ZNF516: variants seen among roughly 807,000 people sequenced by gnomAD.
The protein encoded by ZNF516 is zinc finger protein 516.
Under a neutral mutation model 79.7 loss-of-function variants are expected in ZNF516, and 19 were observed. That is an observed-to-expected ratio of 0.24 (90% CI 0.17 to 0.35). The LOEUF is 0.35. ZNF516 is among the 10% of genes least tolerant of loss of function. ZNF516 has a pLI of 1.00. For missense variants in ZNF516, 1,678 were observed against 1,679.5 expected (o/e 1.00, Z 0.02); for synonymous variants, 877 against 739.5 (o/e 1.19, Z -3.02).
chr18:76,483,282 T>C (rs1208551992), intron 1 of ZNF516, among the ~76,000 whole-genome samples: 2 of 151,990 alleles, frequency 1.3e-5, no homozygotes, highest in African/African-American at 2.4e-5. Flanking sequence ...ACCTGACCAT[T>C]GGAAAGAAAG....
In ZNF516 at chr18:76,380,172, C is replaced by T. The variant is rs1208751906; in HGVS notation, c.1942G>A (p.Ala648Thr). 1 of 1,613,864 alleles carries T rather than the reference C, an allele frequency of 6.2e-7. No individual in the cohort carries two copies. The highest frequency in any genetic ancestry group is 1.1e-5 in the South Asian group (1 of 91,086). ...CTGTTTTCAAGTATGGACACAGAAG[C>T]TGCGATCCCTGCCTTGGACTCGCCG... ...DTGESKAGIA[A>T]SVSILENSSR... Residue 648 changes from alanine to threonine, a missense_variant, in exon 4 of 7, where the codon GCT becomes ACT. By Grantham distance (58) the Ala-to-Thr change is moderately conservative (BLOSUM62 0). Around this residue, in one of 5 missense-constraint regions of ZNF516, gnomAD observed 1,294 missense variants for 1,248.3 expected, o/e 1.04. Transcript: ENST00000443185.
rs182231689 is a variant in ZNF516, at chr18:76,408,967, G to A, written c.1811-28664C>T. On this transcript the variant is annotated intron_variant, in intron 3 of 6. Transcript: ENST00000443185. ...CACTCAGAAGCCAAGCCAAAGATAC[G>A]AAAAGTTAAATATATTCTTATCTAT... Among the ~76,000 whole-genome samples, 95 of 152,148 alleles carry A rather than the reference G, an allele frequency of 6.2e-4. 1 individual carries two copies. The highest frequency in any genetic ancestry group is 2.0e-3 in the African/African-American group (84 of 41,486).
At chr18:76,380,626 A>G (rs1599151416) in intron 3 of ZNF516, among the ~76,000 whole-genome samples, 3 of 152,286 alleles carry the variant, frequency 2.0e-5, no homozygotes, top group South Asian at 2.1e-4. Context: ...AAAACTTGGG[A>G]AAAAAATTAA....
intron 3 of ZNF516, among the ~76,000 whole-genome samples, chr18:76,424,049 AACAC>A (rs1276680279): frequency 8.2e-6 from 1 of 122,630 alleles, no homozygotes; most frequent in Non-Finnish European, 1.7e-5. Context: ...TCCCCCCCGA[AACAC>A]ACGCAGGTGA....
intron 3 of ZNF516, among the ~76,000 whole-genome samples, chr18:76,433,887 A>G (rs610521): frequency 1 from 151,616 of 152,270 alleles, 75,487 homozygotes; most frequent in Non-Finnish European, 1. Context: ...ATCATCTCAC[A>G]GTGCCACGTC....
upstream of ZNF516, among the ~76,000 whole-genome samples, chr18:76,496,081 C>G: frequency 6.6e-6 from 1 of 150,488 alleles, no homozygotes; most frequent in Non-Finnish European, 1.5e-5. Flanking sequence ...GAGTCTGGGA[C>G]TAGAAATCCT....
At chr18:76,478,457 TATACA>T (rs1458034167) in intron 1 of ZNF516, among the ~76,000 whole-genome samples, 1 of 152,322 alleles carries the variant, frequency 6.6e-6, no homozygotes, top group Non-Finnish European at 1.5e-5. Context: ...TAAGGTTTAA[TATACA>T]ATACAAATAA....
chr18:76,362,590 G>C (rs777452941), intron 6 of ZNF516, 33 bp from the exon 7 acceptor site: 1 of 1,580,308 alleles, frequency 6.3e-7, no homozygotes, highest in South Asian at 1.1e-5. Context: ...CAGGAGAAAA[G>C]CTCATTTCTG....
intron 3 of ZNF516, among the ~76,000 whole-genome samples, chr18:76,423,585 C>T (rs1218822214): frequency 1.5e-5 from 1 of 66,046 alleles, no homozygotes; most frequent in Admixed American, 1.6e-4. Context: ...GAAACACACA[C>T]AGGTAAAAAG....
rs2074492246 is a variant in ZNF516 at position 76,358,825 on chromosome 18, G to A, written c.*3673C>T. 2.6e-5 allele frequency: 4 copies of A among 152,290 alleles called. No homozygotes were observed. The highest frequency in any genetic ancestry group is 2.6e-4 in the Admixed American group (4 of 15,282). 9.4% of individuals were successfully genotyped at this position (152,290 alleles called of 1,614,324 possible). On this transcript the variant is annotated 3_prime_UTR_variant, in exon 7 of 7. Coordinates refer to ENST00000443185, the MANE Select transcript of ZNF516 (RefSeq NM_014643.4). ...GACAGTCTCCAGCCACGAAAGCCCA[G>A]GAGGTGCCCTCTTCCACACAACAGA... is the stretch of plus-strand genomic sequence containing the variant.
intron 3 of ZNF516, among the ~76,000 whole-genome samples, chr18:76,437,067 A>AACACACACACACACAC (rs370573337): frequency 0.084 from 11,345 of 135,756 alleles, 545 homozygotes; most frequent in Middle Eastern, 0.14. Flanking sequence ...ACCTGTCTAA[A>AACACACACACACACAC]ACACACACAC....
chr18:76,473,642 A>T (rs1325124843), intron 1 of ZNF516, among the ~76,000 whole-genome samples: 1 of 151,994 alleles, frequency 6.6e-6, no homozygotes, highest in African/African-American at 2.4e-5. Flanking sequence ...TCTACTAAAA[A>T]TACAAAAAAT....
chr18:76,363,165 G>A (rs1239368416), intron 6 of ZNF516, among the ~76,000 whole-genome samples: 1 of 152,212 alleles, frequency 6.6e-6, no homozygotes. Flanking sequence ...AGCTTTCAGA[G>A]AATGCTCTCC....
intron 1 of ZNF516, chr18:76,492,938 A>C (rs1050554219): frequency 3.0e-6 from 3 of 985,474 alleles, no homozygotes; most frequent in Non-Finnish European, 3.6e-6. Flanking sequence ...GGGGCTGGCC[A>C]GACTTCACAG....
At chr18:76,369,716 G>C (rs1255066793) in intron 6 of ZNF516, among the ~76,000 whole-genome samples, 2 of 152,130 alleles carry the variant, frequency 1.3e-5, no homozygotes, top group Non-Finnish European at 2.9e-5. Context: ...ACCCAGACAC[G>C]GCTTGACTCT....
rs1251922345 is a variant in ZNF516 at position 76,441,278 on chromosome 18, T to C, written c.1777A>G (p.Ser593Gly). 6 of 1,610,784 alleles carry C rather than the reference T, an allele frequency of 3.7e-6. No homozygotes were observed. Among genetic ancestry groups the C allele is most frequent in the Non-Finnish European group, 5.1e-6 (6 of 1,179,334 alleles). The change falls in exon 3 of 7, where the codon AGT becomes GGT. Residue 593 changes from serine to glycine, a missense_variant. Around this residue, in one of 5 missense-constraint regions of ZNF516, gnomAD observed 1,294 missense variants for 1,248.3 expected, o/e 1.04. Transcript: ENST00000443185. ...GGTTCAGGGGCGCCCTCCTCACCAC[T>C]GTCTTCGGCAGCCTCGTCGGCCAGG... ...SGLADEAAED[S>G]GEEGAPEPAP...
Position 76,379,883 on chromosome 18 carries a change from G to T in ZNF516, c.2231C>A (p.Pro744His). ...GGAGGAGGCCGTCTCCTTATTGCTG[G>T]GGTCATCCCGCGTCGACCTCGCACT... ...DLSARSTRDD[P>H]SNKETASSLQ... Residue 744 changes from proline (P) to histidine (H), a missense_variant, in exon 4 of 7, where the codon CCC (proline) becomes CAC (histidine). Physicochemically the swap from Pro to His is moderately conservative, Grantham distance 77. This residue lies in a region of ZNF516 where 1,294 missense variants were observed against 1,248.3 expected (regional missense o/e 1.04). Coordinates refer to ENST00000443185, the MANE Select transcript of ZNF516 (RefSeq NM_014643.4). 1.2e-6 allele frequency: 2 copies of T among 1,613,942 alleles called. No homozygotes were observed. Among genetic ancestry groups the T allele is most frequent in the Non-Finnish European group, 1.7e-6 (2 of 1,179,888 alleles).
intron 3 of ZNF516, among the ~76,000 whole-genome samples, chr18:76,405,267 T>C (rs1381429782): frequency 6.6e-6 from 1 of 152,158 alleles, no homozygotes; most frequent in Non-Finnish European, 1.5e-5. Flanking sequence ...GTTTGACTCT[T>C]GCCCAGGCTG....
chr18:76,496,284 T>C (rs1235358282), upstream of ZNF516: 4 of 1,288,894 alleles, frequency 3.1e-6, no homozygotes, highest in Non-Finnish European at 4.0e-6. Context: ...ACCAGGCTCC[T>C]GGCCGTATTG....
Sources: gnomAD v4.1 joint callset for allele counts (sites outside exome capture counted in the v4.1 genomes callset) on GRCh38, gnomAD v4.1.1 for gene constraint, gnomAD v4.1.1 regional missense constraint, MANE v1.5 for transcripts, NCBI Gene and HGNC (gene_info 2026-07-23, HGNC 2026-07-21) for gene names.